PACSIN2: variants seen among roughly 807,000 people sequenced by gnomAD.
The protein encoded by PACSIN2 is protein kinase C and casein kinase substrate in neurons 2.
PACSIN2 carries 25 observed loss-of-function variants against 63.8 expected under a neutral mutation model. That is an observed-to-expected ratio of 0.39 (90% CI 0.29 to 0.55). The LOEUF (loss-of-function observed/expected upper bound fraction) is 0.55. Ranked by LOEUF, PACSIN2 falls within the 20% of genes least tolerant of loss-of-function variation. The probability of loss-of-function intolerance (pLI) is 0.62; values close to 1 mark genes in which losing one functional copy is unlikely to be tolerated. For missense variants in PACSIN2, 518 were observed against 646.9 expected, an observed-to-expected ratio of 0.80 and a Z score of 2.16; for synonymous variants, 255 against 256.2, an observed-to-expected ratio of 1.00 and a Z score of 0.05.
rs1343809328 is a variant in PACSIN2 at position 42,877,311 on chromosome 22, C to G, written c.1029-301G>C. On this transcript the variant is annotated intron_variant, in intron 8 of 10. Coordinates refer to ENST00000263246, the MANE Select transcript of PACSIN2 (RefSeq NM_001184970.3). The stretch of plus-strand genomic sequence containing the variant: ...GGCGGGTGACAAGCCACAGCTGGAG[C>G]AAAAGTCGTTTCCAGGTTCAGGGCT... 3.3e-5 allele frequency among the ~76,000 whole-genome samples: 5 copies of G among 152,150 alleles called. No homozygotes were observed. The East Asian group carries it at 9.6e-4, about 29-fold the overall frequency.
intron 2 of PACSIN2, among the ~76,000 whole-genome samples, chr22:42,895,613 A>G (rs1930224556): frequency 1.3e-5 from 2 of 152,258 alleles, no homozygotes; most frequent in South Asian, 4.1e-4. Context: ...CTGCAAATAC[A>G]CATTTACATG....
chr22:42,900,226 C>T (rs1389512727), intron 2 of PACSIN2, among the ~76,000 whole-genome samples: 1 of 152,152 alleles, frequency 6.6e-6, no homozygotes, highest in Non-Finnish European at 1.5e-5. Flanking sequence ...TTGTGAACAC[C>T]GTCCCCATGC....
At chr22:42,957,656 T>C (rs1003261315) in intron 1 of PACSIN2, among the ~76,000 whole-genome samples, 6 of 152,212 alleles carry the variant, frequency 3.9e-5, no homozygotes. Context: ...TATTTTAAAG[T>C]CTTTCATATT....
At chr22:42,946,419 G>A (rs987296545) in intron 1 of PACSIN2, among the ~76,000 whole-genome samples, 1 of 152,212 alleles carries the variant, frequency 6.6e-6, no homozygotes, top group Non-Finnish European at 1.5e-5. Flanking sequence ...GGCGAGAGCA[G>A]CAATGTACCA....
intron 1 of PACSIN2, among the ~76,000 whole-genome samples, chr22:42,983,038 C>T (rs183064654): frequency 1.2e-3 from 186 of 151,556 alleles, no homozygotes; most frequent in African/African-American, 2.0e-3. Context: ...AAAATTAGGC[C>T]GGGCACAGTG....
At chr22:42,951,314 G>A (rs908247900) in intron 1 of PACSIN2, among the ~76,000 whole-genome samples, 1 of 152,086 alleles carries the variant, frequency 6.6e-6, no homozygotes, top group Non-Finnish European at 1.5e-5. Flanking sequence ...GCACCCAATT[G>A]GTGCCCTTAT....
At chr22:42,979,604 A>G (rs1301309699) in intron 1 of PACSIN2, among the ~76,000 whole-genome samples, 1 of 152,126 alleles carries the variant, frequency 6.6e-6, no homozygotes, top group East Asian at 1.9e-4. Flanking sequence ...CAGTCAAAAA[A>G]CAAAGAAAGA....
At chr22:42,890,514 T>TC (rs1179964978) in intron 4 of PACSIN2, among the ~76,000 whole-genome samples, 2 of 151,754 alleles carry the variant, frequency 1.3e-5, no homozygotes, top group African/African-American at 4.8e-5. Context: ...GGTCAAGAGT[T>TC]CGAGACCAGC....
chr22:42,882,056 T>TA (rs756857677), intron 7 of PACSIN2, 128 bp downstream of exon 7: 49 of 1,152,080 alleles, frequency 4.3e-5, no homozygotes, highest in African/African-American at 6.1e-5. Flanking sequence ...TAGCTATGCC[T>TA]AAAGGCTGCC....
intron 2 of PACSIN2, among the ~76,000 whole-genome samples, chr22:42,908,944 C>T (rs974476737): frequency 9.9e-5 from 15 of 152,172 alleles, no homozygotes; most frequent in African/African-American, 3.6e-4. Flanking sequence ...TTTGTGGGAA[C>T]TGGATCCCCT....
intron 2 of PACSIN2, among the ~76,000 whole-genome samples, chr22:42,900,300 C>T (rs952719423): frequency 1.3e-5 from 2 of 152,286 alleles, no homozygotes. Context: ...CCTAGCTAGA[C>T]TGTAAGCCTC....
At chr22:42,878,841 C>T (rs2146637926) in intron 8 of PACSIN2, among the ~76,000 whole-genome samples, 1 of 150,404 alleles carries the variant, frequency 6.6e-6, no homozygotes, top group Non-Finnish European at 1.5e-5. Flanking sequence ...AGGAAGACGA[C>T]CTTCCCTGGA....
intron 4 of PACSIN2, 104 bp downstream of exon 4, chr22:42,890,843 T>G: frequency 1.2e-6 from 1 of 846,184 alleles, no homozygotes; most frequent in Non-Finnish European, 1.9e-6. Context: ...TGGCCTCCTG[T>G]GCCTACAGCC....
At chr22:42,974,702 T>C (rs1366302874) in intron 1 of PACSIN2, among the ~76,000 whole-genome samples, 1 of 149,436 alleles carries the variant, frequency 6.7e-6, no homozygotes, top group African/African-American at 2.5e-5. Flanking sequence ...TGAGTTGAGA[T>C]TGTGCCACTG....
At chr22:42,950,870 T>A (rs1039218515) in intron 1 of PACSIN2, among the ~76,000 whole-genome samples, 2 of 152,060 alleles carry the variant, frequency 1.3e-5, no homozygotes, top group Non-Finnish European at 2.9e-5. Flanking sequence ...GGCCCCTGTA[T>A]ATATTCCAGT....
chr22:42,883,828 A>AC (rs1929258490), intron 6 of PACSIN2, among the ~76,000 whole-genome samples: 1 of 152,180 alleles, frequency 6.6e-6, no homozygotes. Context: ...ACATGGTGAA[A>AC]CCCCATCTCT....
intron 1 of PACSIN2, among the ~76,000 whole-genome samples, chr22:42,924,767 T>C (rs1430990102): frequency 2.0e-5 from 3 of 151,420 alleles, no homozygotes; most frequent in African/African-American, 7.3e-5. Context: ...TTCTTTTTTT[T>C]TTTTTTCGAC....
chr22:42,967,610 C>T (rs576534197), intron 1 of PACSIN2, among the ~76,000 whole-genome samples: 30 of 152,278 alleles, frequency 2.0e-4, no homozygotes, highest in Admixed American at 1.4e-3. Flanking sequence ...GCAAATGGGC[C>T]GGGCGCGGTG....
At chr22:43,005,746 C>A (rs1420677733) in intron 1 of PACSIN2, among the ~76,000 whole-genome samples, 1 of 152,164 alleles carries the variant, frequency 6.6e-6, no homozygotes. Flanking sequence ...GGCACACATG[C>A]TGGGCTCCTG....
Sources: gnomAD v4.1 joint callset for allele counts (sites outside exome capture counted in the v4.1 genomes callset) on GRCh38, gnomAD v4.1.1 for gene constraint, MANE v1.5 for transcripts, NCBI Gene and HGNC (gene_info 2026-07-23, HGNC 2026-07-21) for gene names.